RABGAP1L: variants seen among roughly 807,000 people sequenced by gnomAD.
RABGAP1L encodes rab GTPase-activating protein 1-like.
A neutral mutation model predicts 137.7 loss-of-function variants in RABGAP1L; 63 were observed. The ratio of observed to expected loss-of-function variants is 0.46; its 90% CI spans 0.37 to 0.56. The LOEUF (loss-of-function observed/expected upper bound fraction) is 0.56. Ranked by LOEUF, RABGAP1L falls within the 20% of genes least tolerant of loss-of-function variation. The pLI is 0.00. For synonymous variants in RABGAP1L, 431 were observed against 433.7 expected, an observed-to-expected ratio of 0.99 and a Z score of 0.08; for missense variants, 1,095 against 1,244.0, an observed-to-expected ratio of 0.88 and a Z score of 1.80.
At chr1:174,171,696 TAAAAAAAAA>T (rs57052121) in intron 1 of RABGAP1L, among the ~76,000 whole-genome samples, 211 of 134,284 alleles carry the variant, frequency 1.6e-3, no homozygotes, top group Admixed American at 0.013. Context: ...TATTCAGCTT[TAAAAAAAAA>T]AAAAAAAAAG....
chr1:174,259,547 T>C (rs1391397016), intron 7 of RABGAP1L, among the ~76,000 whole-genome samples: 1 of 152,230 alleles, frequency 6.6e-6, no homozygotes, highest in Non-Finnish European at 1.5e-5. Flanking sequence ...GTTTATAAAG[T>C]TAGAGCATTG....
At chr1:174,685,432 T>C (rs1452760898) in intron 15 of RABGAP1L, among the ~76,000 whole-genome samples, 1 of 151,884 alleles carries the variant, frequency 6.6e-6, no homozygotes, top group Non-Finnish European at 1.5e-5. Context: ...TTTTGTATAT[T>C]TTAGTAGAGA....
chr1:174,756,472 T>A (rs575872538), intron 18 of RABGAP1L, among the ~76,000 whole-genome samples: 87 of 151,738 alleles, frequency 5.7e-4, no homozygotes, highest in African/African-American at 1.9e-3. Context: ...TATATATATT[T>A]TTTTTTGAAA....
intron 1 of RABGAP1L, among the ~76,000 whole-genome samples, chr1:174,175,165 T>C (rs1265753741): frequency 6.7e-6 from 1 of 148,568 alleles, no homozygotes; most frequent in Non-Finnish European, 1.5e-5. Context: ...CACAGACCAG[T>C]AGATTATGGA....
chr1:174,340,000 TTAA>T (rs1201506033), intron 11 of RABGAP1L, among the ~76,000 whole-genome samples: 5 of 152,170 alleles, frequency 3.3e-5, no homozygotes, highest in Admixed American at 1.3e-4. Context: ...TAGAAAAGAG[TTAA>T]TAAGTTTTAT....
intron 19 of RABGAP1L, among the ~76,000 whole-genome samples, chr1:174,840,410 C>T (rs1207750427): frequency 6.6e-6 from 1 of 152,118 alleles, no homozygotes; most frequent in Non-Finnish European, 1.5e-5. Flanking sequence ...AGATCTCACA[C>T]AAAGCTGGCA....
At chr1:174,440,626 T>C (rs924376716) in intron 13 of RABGAP1L, among the ~76,000 whole-genome samples, 5 of 152,168 alleles carry the variant, frequency 3.3e-5, no homozygotes, top group Non-Finnish European at 7.4e-5. Flanking sequence ...CAGGCTGGAG[T>C]GCACGGTGGC....
chr1:174,373,674 C>T (rs920396060), intron 12 of RABGAP1L, among the ~76,000 whole-genome samples: 3 of 152,124 alleles, frequency 2.0e-5, no homozygotes, highest in African/African-American at 7.2e-5. Flanking sequence ...GTTAGCCTGG[C>T]TAGTATTAGT....
At chr1:174,568,249 G>C (rs751315493) in intron 13 of RABGAP1L, among the ~76,000 whole-genome samples, 4 of 152,114 alleles carry the variant, frequency 2.6e-5, no homozygotes, top group African/African-American at 9.7e-5. Flanking sequence ...GATCACCAAA[G>C]GGATGGTGCT....
intron 14 of RABGAP1L, among the ~76,000 whole-genome samples, chr1:174,638,841 T>A (rs891378973): frequency 1.2e-4 from 16 of 138,812 alleles, no homozygotes; most frequent in South Asian, 2.4e-4. Context: ...AACAATGAGA[T>A]CACATGGACA....
At chr1:174,202,080 T>C (rs1421600383) in intron 1 of RABGAP1L, among the ~76,000 whole-genome samples, 2 of 151,992 alleles carry the variant, frequency 1.3e-5, no homozygotes, top group Non-Finnish European at 2.9e-5. Flanking sequence ...TTCCAAGTCT[T>C]TGCTATTGTG....
At chr1:174,860,066 C>T (rs1010048683) in intron 19 of RABGAP1L, among the ~76,000 whole-genome samples, 3 of 149,252 alleles carry the variant, frequency 2.0e-5, no homozygotes, top group African/African-American at 7.4e-5. Context: ...TGATCACAAT[C>T]CAGACACAAG....
At chr1:174,786,745 T>C (rs1687474130) in intron 18 of RABGAP1L, among the ~76,000 whole-genome samples, 1 of 152,242 alleles carries the variant, frequency 6.6e-6, no homozygotes, top group African/African-American at 2.4e-5. Context: ...TTTTGAACTT[T>C]CTTCTTACTA....
chr1:174,702,715 CAA>C (rs1483701271), intron 17 of RABGAP1L, among the ~76,000 whole-genome samples: 4 of 151,940 alleles, frequency 2.6e-5, no homozygotes, highest in African/African-American at 4.8e-5. Flanking sequence ...AATGATGAGA[CAA>C]ATGATAAACT....
chr1:174,590,361 T>TATTATAC (rs1669511100), intron 13 of RABGAP1L, among the ~76,000 whole-genome samples: 1 of 147,460 alleles, frequency 6.8e-6, no homozygotes, highest in African/African-American at 2.5e-5. Context: ...TATTTTTTTT[T>TATTATAC]TATTATACTC....
chr1:174,343,378 T>C (rs1454022009), intron 11 of RABGAP1L, among the ~76,000 whole-genome samples: 3 of 152,224 alleles, frequency 2.0e-5, no homozygotes, highest in Non-Finnish European at 4.4e-5. Flanking sequence ...TCCAGAAAGA[T>C]TGCAAATATA....
intron 18 of RABGAP1L, among the ~76,000 whole-genome samples, chr1:174,755,874 C>G (rs779369620): frequency 2.6e-5 from 4 of 152,134 alleles, no homozygotes; most frequent in Non-Finnish European, 5.9e-5. Context: ...CTTTCCATGT[C>G]ACTAAACACA....
At chr1:174,552,925 G>A (rs1397350671) in intron 13 of RABGAP1L, among the ~76,000 whole-genome samples, 1 of 152,160 alleles carries the variant, frequency 6.6e-6, no homozygotes, top group African/African-American at 2.4e-5. Context: ...ATTCTGACTG[G>A]TGTGAGATGG....
intron 18 of RABGAP1L, among the ~76,000 whole-genome samples, chr1:174,780,551 G>A (rs1686902842): frequency 6.6e-6 from 1 of 152,054 alleles, no homozygotes; most frequent in African/African-American, 2.4e-5. Flanking sequence ...ACTTGCTAAA[G>A]TACATGCTTT....
Sources: gnomAD v4.1 joint callset for allele counts (sites outside exome capture counted in the v4.1 genomes callset) on GRCh38, gnomAD v4.1.1 for gene constraint, MANE v1.5 for transcripts, NCBI Gene and HGNC (gene_info 2026-07-23, HGNC 2026-07-21) for gene names.